SLC75A1: variants seen among roughly 807,000 people sequenced by gnomAD.
The protein encoded by SLC75A1 is major facilitator superfamily domain containing 10.
chr4:2,931,583 GGGTGGATCCGCC>G, the SLC75A1 span: 4 of 1,613,242 alleles, frequency 2.5e-6, no homozygotes, highest in Non-Finnish European at 2.5e-6. Context: ...TTCCCCGCCA[GGGTGGATCCGCC>G]GGGCATAGGC....
chr4:2,931,835 G>A, the SLC75A1 span: 3 of 1,602,644 alleles, frequency 1.9e-6, no homozygotes, highest in African/African-American at 2.7e-5. Context: ...CTACTGAACT[G>A]GAAGCGCTGG....
chr4:2,932,385 C>G, the SLC75A1 span: 3 of 1,613,524 alleles, frequency 1.9e-6, no homozygotes, highest in Admixed American at 3.3e-5. Context: ...TGGCAGGAAG[C>G]AGAAGATGAA....
At chr4:2,932,101 AG>A in the SLC75A1 span, 3 of 1,610,712 alleles carry the variant, frequency 1.9e-6, no homozygotes, top group Admixed American at 3.3e-5. Flanking sequence ...CAGCAGGGCC[AG>A]GGGGCTGAGC....
chr4:2,930,595 T>C, the SLC75A1 span: 3 of 573,112 alleles, frequency 5.2e-6, no homozygotes, highest in Non-Finnish European at 9.3e-6. Context: ...TATTTCATCA[T>C]CAGAAACCTG....
the SLC75A1 span, chr4:2,933,990 C>A: frequency 8.7e-6 from 13 of 1,490,010 alleles, no homozygotes; most frequent in Admixed American, 1.0e-4. Context: ...GCCGAGTCCT[C>A]CGGGGCCTGG....
the SLC75A1 span, chr4:2,932,628 C>T: frequency 1.2e-6 from 2 of 1,613,052 alleles, no homozygotes; most frequent in South Asian, 2.2e-5. Context: ...CAGAGGCGAG[C>T]CCAGGTCAGC....
the SLC75A1 span, chr4:2,933,066 G>A: frequency 6.3e-7 from 1 of 1,588,826 alleles, no homozygotes; most frequent in South Asian, 1.1e-5. Flanking sequence ...GGCTGGGTGG[G>A]AGGAGGCTTC....
chr4:2,932,032 G>A, the SLC75A1 span: 1 of 1,610,300 alleles, frequency 6.2e-7, no homozygotes. Flanking sequence ...GCTTGGGTTG[G>A]TCGAGTCCTT....
chr4:2,933,760 C>T, the SLC75A1 span: 4 of 1,599,442 alleles, frequency 2.5e-6, no homozygotes, highest in South Asian at 3.3e-5. Flanking sequence ...CACGTGGGCA[C>T]GGCCGTGGCT....
chr4:2,933,196 C>T, the SLC75A1 span: 10 of 1,612,938 alleles, frequency 6.2e-6, no homozygotes, highest in Middle Eastern at 3.3e-4. Flanking sequence ...CAGAGAATGC[C>T]GAGCCAATGA....
chr4:2,930,863 G>C, the SLC75A1 span: 1 of 1,613,080 alleles, frequency 6.2e-7, no homozygotes, highest in Non-Finnish European at 8.5e-7. Flanking sequence ...CGTCTGTGCC[G>C]GGTAACTCAG....
At chr4:2,932,962 C>G in the SLC75A1 span, 2 of 1,026,124 alleles carry the variant, frequency 1.9e-6, no homozygotes, top group East Asian at 2.6e-5. Context: ...ACTGGTCCCC[C>G]GAGAACCCCC....
the SLC75A1 span, chr4:2,931,360 G>A: frequency 1.3e-6 from 2 of 1,547,364 alleles, no homozygotes; most frequent in Non-Finnish European, 1.7e-6. Flanking sequence ...CCCCTGCCAG[G>A]GCAGGGCCAC....
chr4:2,931,777 G>A, the SLC75A1 span: 2 of 1,544,536 alleles, frequency 1.3e-6, no homozygotes, highest in Non-Finnish European at 1.8e-6. Context: ...CCTGAAGCAG[G>A]GGCGTTATTT....
the SLC75A1 span, chr4:2,931,495 G>C: frequency 6.3e-7 from 1 of 1,587,488 alleles, no homozygotes; most frequent in Non-Finnish European, 8.6e-7. Context: ...CCTCAGCACA[G>C]CCCGTGCCCT....
the SLC75A1 span, chr4:2,933,747 A>G: frequency 6.2e-7 from 1 of 1,602,944 alleles, no homozygotes; most frequent in Non-Finnish European, 8.5e-7. Flanking sequence ...CAGGGCAAGG[A>G]CTCACGTGGG....
At chr4:2,933,304 C>T in the SLC75A1 span, 1 of 1,258,442 alleles carries the variant, frequency 7.9e-7, no homozygotes, top group Non-Finnish European at 1.1e-6. Flanking sequence ...TCCTGAGGGT[C>T]CAGTCATGCT....
chr4:2,932,347 C>T, the SLC75A1 span: 1 of 1,611,790 alleles, frequency 6.2e-7, no homozygotes, highest in East Asian at 2.2e-5. Context: ...GACCACAGCC[C>T]TACCCGTTTC....
At chr4:2,931,862 G>A in the SLC75A1 span, 4 of 1,610,128 alleles carry the variant, frequency 2.5e-6, no homozygotes, top group Non-Finnish European at 3.4e-6. Context: ...AGGAAGCTCA[G>A]CGTGTACTCC....
Sources: allele counts gnomAD v4.1 joint callset, GRCh38; gene constraint gnomAD v4.1.1; transcripts MANE v1.5; gene names NCBI Gene and HGNC (gene_info 2026-07-23, HGNC 2026-07-21).